Variants in AGBL1 observed in about 807,000 individuals in gnomAD.
AGBL1 encodes the protein cytosolic carboxypeptidase 4.
A neutral mutation model predicts 118.9 loss-of-function variants in AGBL1; 130 were observed. That is an observed-to-expected ratio of 1.09 (90% CI 0.95 to 1.26). The LOEUF is 1.26. Among genes scored for constraint, AGBL1 ranks in the 50% most tolerant of loss-of-function variants. The pLI, the probability that AGBL1 is intolerant of heterozygous loss-of-function variation, is 0.00. For missense variants in AGBL1, 1,584 were observed against 1,298.1 expected (o/e 1.22, Z -3.38); for synonymous variants, 555 against 478.9 (o/e 1.16, Z -2.08).
intron 22 of AGBL1, among the ~76,000 whole-genome samples, chr15:86,821,169 C>A (rs1199566966): frequency 6.6e-6 from 1 of 151,750 alleles, no homozygotes; most frequent in Non-Finnish European, 1.5e-5. Context: ...ACACTGAGGC[C>A]TGTCAGGAGA....
rs1052134566 is a variant in AGBL1 at position 86,808,589 on chromosome 15, C to T, written c.3159-98498C>T. Among the ~76,000 whole-genome samples the T allele has an allele frequency of 1.0e-4, 15 of 149,560 alleles. No homozygotes were observed. The Admixed American group carries it at 1.0e-3, about 10-fold the overall frequency. ...TCCTCCCCTTTCCTTCCTTCCTCCC[C>T]TTTCCTTCCTTCCTTCTTTCCTTCC... On this transcript the variant is annotated intron_variant, in intron 22 of 22. Transcript: ENST00000614907.
chr15:86,617,709 A>G (rs2084749488), intron 21 of AGBL1, among the ~76,000 whole-genome samples: 1 of 151,930 alleles, frequency 6.6e-6, no homozygotes, highest in Non-Finnish European at 1.5e-5. Context: ...TTGCTGTTTC[A>G]TAGATCAGAA....
intron 22 of AGBL1, among the ~76,000 whole-genome samples, chr15:86,710,135 C>T (rs1440436084): frequency 6.6e-6 from 1 of 151,856 alleles, no homozygotes; most frequent in Non-Finnish European, 1.5e-5. Context: ...CTTTTTGTCG[C>T]ACTCATCATC....
chr15:86,081,225 A>C (rs1157742116), intron 1 of AGBL1, among the ~76,000 whole-genome samples: 1 of 151,982 alleles, frequency 6.6e-6, no homozygotes, highest in Non-Finnish European at 1.5e-5. Flanking sequence ...TTGTATTTTT[A>C]GTAGAGATGG....
At chr15:86,958,552 A>G (rs566973288) in intron 23 of AGBL1, among the ~76,000 whole-genome samples, 1 of 152,316 alleles carries the variant, frequency 6.6e-6, no homozygotes, top group South Asian at 2.1e-4. Context: ...GTTCTGCAAC[A>G]ATTAGCTGTT....
At chr15:86,444,613 G>A (rs548227787) in intron 18 of AGBL1, among the ~76,000 whole-genome samples, 14 of 152,306 alleles carry the variant, frequency 9.2e-5, no homozygotes, top group Middle Eastern at 3.4e-3. Context: ...ATTCTTGGGA[G>A]CATTGTCCAT....
intron 5 of AGBL1, among the ~76,000 whole-genome samples, chr15:86,218,746 G>A (rs2078231105): frequency 1.3e-5 from 2 of 152,216 alleles, no homozygotes; most frequent in Admixed American, 6.5e-5. Flanking sequence ...GAAATGCAGA[G>A]TGGTCTTACT....
At chr15:86,248,796 C>T (rs777908300) in intron 7 of AGBL1, among the ~76,000 whole-genome samples, 1 of 152,160 alleles carries the variant, frequency 6.6e-6, no homozygotes, top group African/African-American at 2.4e-5. Context: ...TCATATCGCA[C>T]TGTGAAATCA....
chr15:86,200,868 G>A (rs560970158), intron 5 of AGBL1, among the ~76,000 whole-genome samples: 2 of 151,824 alleles, frequency 1.3e-5, no homozygotes, highest in East Asian at 1.9e-4. Context: ...CACTTGTCTC[G>A]GCCTCCGAAA....
chr15:86,420,512 A>C (rs2081772703), intron 18 of AGBL1, among the ~76,000 whole-genome samples: 1 of 152,202 alleles, frequency 6.6e-6, no homozygotes, highest in Non-Finnish European at 1.5e-5. Flanking sequence ...GATGAGGAAA[A>C]ATGTCCAAAA....
intron 5 of AGBL1, among the ~76,000 whole-genome samples, chr15:86,189,624 C>A (rs1386084567): frequency 6.6e-6 from 1 of 152,110 alleles, no homozygotes; most frequent in East Asian, 1.9e-4. Flanking sequence ...CTCTCTCTCT[C>A]TTTCTCTTGC....
At chr15:86,552,414 CTT>C (rs1224996153) in intron 20 of AGBL1, among the ~76,000 whole-genome samples, 1 of 152,132 alleles carries the variant, frequency 6.6e-6, no homozygotes, top group African/African-American at 2.4e-5. Flanking sequence ...TAAGAGTAAA[CTT>C]TTGCGACATG....
At chr15:86,653,546 C>T (rs1216335728) in intron 21 of AGBL1, among the ~76,000 whole-genome samples, 7 of 152,262 alleles carry the variant, frequency 4.6e-5, no homozygotes, top group South Asian at 2.1e-4. Context: ...TTTTTATAAA[C>T]CGTGCACTTG....
chr15:86,487,120 T>C (rs1353084492), intron 18 of AGBL1, among the ~76,000 whole-genome samples: 2 of 152,080 alleles, frequency 1.3e-5, no homozygotes. Flanking sequence ...CTTTTTGGTT[T>C]CAGTCTTTCC....
intron 17 of AGBL1, among the ~76,000 whole-genome samples, chr15:86,377,854 A>C (rs1020219873): frequency 3.3e-5 from 5 of 152,200 alleles, no homozygotes; most frequent in African/African-American, 1.2e-4. Context: ...TAACGTGAGC[A>C]GGTATTATTC....
At chr15:86,161,784 A>G in intron 5 of AGBL1, among the ~76,000 whole-genome samples, 1 of 152,184 alleles carries the variant, frequency 6.6e-6, no homozygotes, top group East Asian at 1.9e-4. Flanking sequence ...ACAGCAAGAT[A>G]AGAACAAAGG....
chr15:86,392,858 A>G (rs1421919280), intron 17 of AGBL1, among the ~76,000 whole-genome samples: 1 of 152,200 alleles, frequency 6.6e-6, no homozygotes, highest in African/African-American at 2.4e-5. Flanking sequence ...AAATGCAAAT[A>G]TCTGGCACTT....
intron 6 of AGBL1, 145 bp downstream of exon 6, chr15:86,225,096 A>C (rs1336502566): frequency 1.2e-6 from 1 of 825,346 alleles, no homozygotes; most frequent in Admixed American, 2.5e-5. Flanking sequence ...CTGACCTTGA[A>C]AGTGATAAAG....
intron 21 of AGBL1, among the ~76,000 whole-genome samples, chr15:86,636,859 G>T (rs956315656): frequency 6.7e-6 from 1 of 149,280 alleles, no homozygotes; most frequent in East Asian, 2.0e-4. Flanking sequence ...CAATTCAATT[G>T]TTTCATCCAT....
Sources: gnomAD v4.1 joint callset for allele counts (sites outside exome capture counted in the v4.1 genomes callset) on GRCh38, gnomAD v4.1.1 for gene constraint, MANE v1.5 for transcripts, NCBI Gene and HGNC (gene_info 2026-07-23, HGNC 2026-07-21) for gene names.